Variants in HDAC5 observed in about 807,000 individuals in gnomAD.
The protein encoded by HDAC5 is histone deacetylase 5, also known as antigen NY-CO-9.
A neutral mutation model predicts 133.3 loss-of-function variants in HDAC5; 25 were observed. The observed-to-expected ratio is 0.19, with a 90% CI of 0.14 to 0.26. The LOEUF (loss-of-function observed/expected upper bound fraction) is 0.26, where lower values mean the gene tolerates loss of function less well. HDAC5 is among the 10% of genes least tolerant of loss of function. The pLI, the probability that HDAC5 is intolerant of heterozygous loss-of-function variation, is 1.00. For synonymous variants in HDAC5, 589 were observed against 610.8 expected (o/e 0.96, Z 0.53); for missense variants, 1,041 against 1,460.5 (o/e 0.71, Z 4.68).
intron 2 of HDAC5, chr17:44,111,637 T>A (rs1421830357): frequency 3.9e-6 from 2 of 517,964 alleles, no homozygotes; most frequent in Non-Finnish European, 7.7e-6. Flanking sequence ...ACAGGCACCT[T>A]CCCTGGAGTT....
At chr17:44,084,872 T>C in intron 15 of HDAC5, 150 bp downstream of exon 15, 1 of 1,262,778 alleles carries the variant, frequency 7.9e-7, no homozygotes, top group Non-Finnish European at 1.1e-6. Flanking sequence ...GAAAACAGGC[T>C]GCAAGGGATG....
At chr17:44,079,031 C>G in intron 24 of HDAC5, 113 bp downstream of exon 24, 1 of 1,520,220 alleles carries the variant, frequency 6.6e-7, no homozygotes, top group Non-Finnish European at 9.0e-7. Context: ...TGGCCATTAG[C>G]TGTTCCTTAG....
intron 3 of HDAC5, among the ~76,000 whole-genome samples, chr17:44,101,304 G>A (rs927084507): frequency 1.2e-4 from 18 of 150,860 alleles, no homozygotes; most frequent in African/African-American, 4.1e-4. Flanking sequence ...TTGGGAGGCT[G>A]AGGGGCTGAG....
At chr17:44,116,471 G>C (rs1201922705) in intron 2 of HDAC5, among the ~76,000 whole-genome samples, 1 of 152,168 alleles carries the variant, frequency 6.6e-6, no homozygotes. Context: ...GGGTGGTCTG[G>C]ATTCCTCCCT....
intron 3 of HDAC5, among the ~76,000 whole-genome samples, chr17:44,096,139 A>G (rs1287595346): frequency 6.6e-4 from 100 of 152,192 alleles, no homozygotes; most frequent in South Asian, 2.1e-4. Flanking sequence ...CAAGCCCCAC[A>G]AAGTCTCCAG....
chr17:44,098,102 C>G (rs2051379092), intron 3 of HDAC5, among the ~76,000 whole-genome samples: 1 of 152,266 alleles, frequency 6.6e-6, no homozygotes, highest in Admixed American at 6.5e-5. Flanking sequence ...TAGCAACCTG[C>G]TCCACCCAAA....
chr17:44,115,744 C>T (rs1457713949), intron 2 of HDAC5, among the ~76,000 whole-genome samples: 1 of 152,240 alleles, frequency 6.6e-6, no homozygotes, highest in Non-Finnish European at 1.5e-5. Context: ...TCCCTGGCCC[C>T]CTCCTTTTTT....
chr17:44,096,281 G>A (rs190072003), intron 3 of HDAC5, among the ~76,000 whole-genome samples: 1 of 151,882 alleles, frequency 6.6e-6, no homozygotes, highest in Admixed American at 6.6e-5. Context: ...GCCCAGGGAG[G>A]TCACGAGGGG....
intron 14 of HDAC5, among the ~76,000 whole-genome samples, chr17:44,085,560 G>A (rs1179945487): frequency 1.3e-5 from 2 of 151,994 alleles, no homozygotes; most frequent in African/African-American, 4.8e-5. Context: ...CAGGTCCAGT[G>A]GCACGATCTC....
Position 44,093,371 on chromosome 17 carries a change from T to C in HDAC5, c.469A>G (p.Lys157Glu), listed in dbSNP as rs760514859. The change falls in exon 5 of 27, where the codon AAG (lysine) becomes GAG (glutamate). Residue 157 changes from lysine (K) to glutamate (E), a missense_variant. Lys to Glu is a moderately conservative substitution (Grantham distance 56). This residue lies in a region of HDAC5 where 109 missense variants were observed against 168.0 expected (regional missense o/e 0.65). Coordinates refer to ENST00000682912, the MANE Select transcript of HDAC5 (RefSeq NM_005474.5). ...AGCAGCTGCTGCTCCAGCCGCTGCT[T>C]CTCCAGCTCTTCCTGCCGCTGCTGC... ...REQQRQEELE[K>E]QRLEQQLLIL... The C allele has an allele frequency of 1.9e-6, 3 of 1,583,650 alleles. No individual in the cohort carries two copies. The highest frequency in any genetic ancestry group is 2.6e-6 in the Non-Finnish European group (3 of 1,168,482).
At chr17:44,080,289 T>C (rs2050329769) in intron 22 of HDAC5, 64 bp from the exon 23 acceptor site, 13 of 1,559,750 alleles carry the variant, frequency 8.3e-6, no homozygotes, top group Middle Eastern at 3.4e-4. Context: ...CCCACTGTTA[T>C]CCTCCCAGAG....
At position 44,093,565 on chromosome 17, in the gene HDAC5, C is replaced by T. The variant is rs986085881; in HGVS notation, c.354+10G>A. 2.5e-6 allele frequency: 4 copies of T among 1,601,676 alleles called. No individual in the cohort carries two copies. The highest frequency in any genetic ancestry group is 3.4e-5 in the Admixed American group (2 of 59,558). On this transcript the variant is annotated intron_variant, in intron 4 of 26. Coordinates refer to ENST00000682912, the MANE Select transcript of HDAC5 (RefSeq NM_005474.5). The stretch of plus-strand genomic sequence containing the variant: ...AGGTCTGGGCGGCCCCCCGCACCCC[C>T]CTCGCTCACCTTGAGGTGCTTCTGC...
Position 44,087,690 on chromosome 17 carries a change from T to G in HDAC5, c.1606A>C (p.Thr536Pro). 6.3e-7 allele frequency: 1 copy of G among 1,589,380 alleles called. No individual in the cohort carries two copies. The highest frequency in any genetic ancestry group is 1.1e-5 in the South Asian group (1 of 87,194). ...TGCCTGGGCAGCTCCCCTGTCTTGG[T>G]GAGGATCTGATAACAGAATATGGGG... The part of the protein sequence containing the change: ...QQQLQLGKIL[T>P]KTGELPRQPT... The change falls in exon 13 of 27, where the codon ACC becomes CCC. Residue 536 changes from threonine to proline, a missense_variant. By Grantham distance (38) the Thr-to-Pro change is conservative (BLOSUM62 -1). Coordinates refer to ENST00000682912, the MANE Select transcript of HDAC5 (RefSeq NM_005474.5).
rs556914276 is a variant in HDAC5, at chr17:44,092,863, G to A, written c.642-57C>T. On this transcript the variant is annotated intron_variant, in intron 6 of 26. Transcript: ENST00000682912. ...GATCTAGGTTATCACCCAGTCTGCTGGACCTGCCACCTGGCAATCTACATT... is the reference window on the plus strand; with the variant it reads ...GATCTAGGTTATCACCCAGTCTGCTAGACCTGCCACCTGGCAATCTACATT... 1.9e-5 allele frequency: 14 copies of A among 733,590 alleles called. No homozygotes were observed. In the East Asian group the frequency reaches 3.2e-4, roughly 17 times the overall value. 45.4% of individuals were successfully genotyped at this position (733,590 alleles called of 1,614,324 possible).
At position 44,086,590 on chromosome 17, in the gene HDAC5, T is replaced by A; in HGVS notation, c.2032A>T (p.Lys678Ter). 7.7e-7 allele frequency: 1 copy of A among 1,304,538 alleles called. No individual in the cohort carries two copies. The highest frequency in any genetic ancestry group is 9.8e-7 in the Non-Finnish European group (1 of 1,018,806). 80.8% of individuals were successfully genotyped at this position (1,304,538 alleles called of 1,614,324 possible). ...GMKSPPDQPVKHLFTTGVVYD... is the reference protein window; with the variant it reads ...GMKSPPDQPV Reference sequence around the variant, plus strand: ...GGCTCACCTGTGGTGAAGAGGTGCTTGACGGGCTGGTCTGGGGGGCTCTTC... The same window carrying A: ...GGCTCACCTGTGGTGAAGAGGTGCTAGACGGGCTGGTCTGGGGGGCTCTTC... The change falls in exon 14 of 27, where the codon AAG becomes TAG. Residue 678 changes from lysine to a stop codon, truncating the protein, a stop_gained. Coordinates refer to ENST00000682912, the MANE Select transcript of HDAC5 (RefSeq NM_005474.5). LOFTEE classifies it high-confidence loss of function.
At chr17:44,080,288 A>G in intron 22 of HDAC5, 63 bp from the exon 23 acceptor site, 1 of 1,557,562 alleles carries the variant, frequency 6.4e-7, no homozygotes, top group Non-Finnish European at 8.9e-7. Context: ...CCCCACTGTT[A>G]TCCTCCCAGA....
chr17:44,085,658 C>T (rs921346796), intron 14 of HDAC5, among the ~76,000 whole-genome samples: 1 of 152,054 alleles, frequency 6.6e-6, no homozygotes, highest in Non-Finnish European at 1.5e-5. Flanking sequence ...TGTGCCACCA[C>T]GCCTGGCTAA....
chr17:44,078,448 G>A (rs1597918695), intron 26 of HDAC5, 33 bp from the exon 27 acceptor site: 1 of 1,566,610 alleles, frequency 6.4e-7, no homozygotes, highest in East Asian at 2.3e-5. Context: ...GGTATTGAGT[G>A]GGGCGCACCA....
At chr17:44,095,029 A>T (rs1334417586) in intron 3 of HDAC5, among the ~76,000 whole-genome samples, 1 of 152,128 alleles carries the variant, frequency 6.6e-6, no homozygotes, top group Admixed American at 6.6e-5. Flanking sequence ...TCCTAGGCTC[A>T]AGCGATCCTC....
Sources: allele counts gnomAD v4.1 joint callset (sites outside exome capture counted in the v4.1 genomes callset), GRCh38; gene constraint gnomAD v4.1.1; regional missense constraint gnomAD v4.1.1; transcripts MANE v1.5; gene names NCBI Gene and HGNC (gene_info 2026-07-23, HGNC 2026-07-21).